ZNF638: variants seen among roughly 807,000 people sequenced by gnomAD.
ZNF638 encodes the protein zinc finger protein 638.
ZNF638 carries 46 observed loss-of-function variants against 195.6 expected under a neutral mutation model. The ratio of observed to expected loss-of-function variants is 0.24; its 90% CI spans 0.19 to 0.30. ZNF638 has a LOEUF of 0.30. ZNF638 is among the 10% of genes least tolerant of loss of function. ZNF638 has a pLI of 1.00. For missense variants in ZNF638, 2,440 were observed against 2,325.3 expected (o/e 1.05, Z -1.01); for synonymous variants, 845 against 772.0 (o/e 1.09, Z -1.57).
Position 71,349,032 on chromosome 2 carries a change from G to T in ZNF638, c.78G>T (p.Arg26Ser), listed in dbSNP as rs1179855532. Residue 26 changes from arginine to serine, a missense_variant, in exon 2 of 28, where the codon AGG becomes AGT. Arg to Ser is a moderately radical substitution (Grantham distance 110). Around this residue, in one of 5 missense-constraint regions of ZNF638, gnomAD observed 191 missense variants for 173.8 expected, o/e 1.10. Transcript: ENST00000264447. Reference sequence around the variant, plus strand: ...GAGCACCTAACCCTTCTGGGATGAGGCCTCCAGGACCATTTATGAGGCCTG... The same window carrying T: ...GAGCACCTAACCCTTCTGGGATGAGTCCTCCAGGACCATTTATGAGGCCTG... ...RPRAPNPSGM[R>S]PPGPFMRPGS... is the part of the protein sequence containing the mutation. 4 of 1,614,148 alleles carry T rather than the reference G, an allele frequency of 2.5e-6. No homozygotes were observed. Among genetic ancestry groups the T allele is most frequent in the Non-Finnish European group, 3.4e-6 (4 of 1,180,024 alleles).
intron 20 of ZNF638, among the ~76,000 whole-genome samples, chr2:71,417,795 C>G (rs2080334030): frequency 6.6e-6 from 1 of 152,074 alleles, no homozygotes; most frequent in Non-Finnish European, 1.5e-5. Context: ...AGACTTATCA[C>G]CAGATATCCC....
intron 26 of ZNF638, among the ~76,000 whole-genome samples, 197 bp downstream of exon 26, chr2:71,431,625 T>G (rs2080663957): frequency 6.6e-6 from 1 of 152,004 alleles, no homozygotes; most frequent in Non-Finnish European, 1.5e-5. Flanking sequence ...CCGGACGTGG[T>G]GGCGGGCGCC....
chr2:71,389,645 A>G lies in ZNF638; in HGVS notation c.2378-6496A>G, dbSNP rs543024817. On this transcript the variant is annotated intron_variant, in intron 10 of 27. Coordinates refer to ENST00000264447, the MANE Select transcript of ZNF638 (RefSeq NM_014497.5). ...AGTTTTGTTCCCTAAGCCTATGCAC[A>G]AGTGTCTTTGTGTGCTATGAGGGCT... Among the ~76,000 whole-genome samples, 200 of 152,310 alleles carry G rather than the reference A, an allele frequency of 1.3e-3. 2 individuals are homozygous for G. Among genetic ancestry groups the G allele is most frequent in the Non-Finnish European group, 3.4e-4 (23 of 68,026 alleles).
At position 71,423,886 on chromosome 2, in the gene ZNF638, C is replaced by T; in HGVS notation, c.4372C>T (p.Pro1458Ser). 1.2e-6 allele frequency: 2 copies of T among 1,614,070 alleles called. No homozygotes were observed. Among genetic ancestry groups the T allele is most frequent in the South Asian group, 1.1e-5 (1 of 91,080 alleles). The change falls in exon 22 of 28, where the codon CCT becomes TCT. Residue 1458 changes from proline (P) to serine (S), a missense_variant. Pro to Ser is a moderately conservative substitution (Grantham distance 74). Around this residue, in one of 5 missense-constraint regions of ZNF638, gnomAD observed 1,883 missense variants for 1,739.1 expected, o/e 1.08. Coordinates refer to ENST00000264447, the MANE Select transcript of ZNF638 (RefSeq NM_014497.5). ...GLAESSSKFK[P>S]TQSSLTRGGS... is the part of the protein sequence containing the mutation. The stretch of plus-strand genomic sequence containing the variant: ...GGCAGAAAGCAGCAGTAAATTCAAA[C>T]CTACTCAGAGCAGTCTTACCAGAGG...
intron 18 of ZNF638, 68 bp downstream of exon 18, chr2:71,405,710 C>T: frequency 1.7e-6 from 2 of 1,179,240 alleles, no homozygotes; most frequent in East Asian, 2.5e-5. Flanking sequence ...TACTTGTTTG[C>T]CTTTTAGGAA....
At chr2:71,402,555 C>T (rs1348945646) in intron 16 of ZNF638, among the ~76,000 whole-genome samples, 1 of 152,010 alleles carries the variant, frequency 6.6e-6, no homozygotes, top group Non-Finnish European at 1.5e-5. Context: ...ATTTCATACT[C>T]TTTCTGCTCT....
intron 10 of ZNF638, 52 bp downstream of exon 10, chr2:71,380,617 G>A: frequency 1.4e-6 from 2 of 1,457,076 alleles, no homozygotes; most frequent in East Asian, 4.6e-5. Context: ...TGTCAGTTTA[G>A]TAGAAACTTA....
intron 1 of ZNF638, among the ~76,000 whole-genome samples, chr2:71,336,371 CCA>C (rs2078668260): frequency 6.8e-5 from 2 of 29,232 alleles, no homozygotes; most frequent in African/African-American, 3.2e-4. Context: ...AATTCCATCT[CCA>C]AAAAAAAAAA....
At chr2:71,343,099 A>C (rs1025270289) in intron 1 of ZNF638, among the ~76,000 whole-genome samples, 7 of 152,228 alleles carry the variant, frequency 4.6e-5, no homozygotes, top group African/African-American at 1.7e-4. Flanking sequence ...GCCATCCTAC[A>C]AAACTCAATT....
chr2:71,366,808 A>G (rs1036622987), intron 6 of ZNF638, among the ~76,000 whole-genome samples: 1 of 152,142 alleles, frequency 6.6e-6, no homozygotes, highest in African/African-American at 2.4e-5. Context: ...CTGATTTATT[A>G]GTGTTATTTT....
At chr2:71,357,748 T>C (rs2079047607) in intron 3 of ZNF638, among the ~76,000 whole-genome samples, 1 of 152,232 alleles carries the variant, frequency 6.6e-6, no homozygotes, top group Non-Finnish European at 1.5e-5. Flanking sequence ...TCTACTCTAT[T>C]TTTTAACCAT....
chr2:71,355,255 G>A (rs1226129173), intron 2 of ZNF638, among the ~76,000 whole-genome samples: 2 of 152,062 alleles, frequency 1.3e-5, no homozygotes, highest in Admixed American at 6.6e-5. Flanking sequence ...TGCGCCCGGC[G>A]GCATTTTTTG....
chr2:71,377,783 T>G (rs558427147), intron 8 of ZNF638, among the ~76,000 whole-genome samples: 2 of 152,346 alleles, frequency 1.3e-5, no homozygotes, highest in South Asian at 4.1e-4. Context: ...AGGACATCAT[T>G]TAAATTCTGA....
chr2:71,373,769 A>AT, intron 8 of ZNF638, among the ~76,000 whole-genome samples: 1 of 151,672 alleles, frequency 6.6e-6, no homozygotes, highest in Non-Finnish European at 1.5e-5. Flanking sequence ...TGGCTTCTGC[A>AT]TTTTTTTCTT....
intron 17 of ZNF638, among the ~76,000 whole-genome samples, 193 bp from the exon 18 acceptor site, chr2:71,405,408 G>A (rs2080087064): frequency 6.6e-6 from 1 of 152,182 alleles, no homozygotes; most frequent in Non-Finnish European, 1.5e-5. Context: ...GAATTAAATT[G>A]TATGGGTTAG....
Position 71,433,547 on chromosome 2 carries a change from C to T in ZNF638, c.5871+264C>T, listed in dbSNP as rs2080708850. The T allele has an allele frequency of 1.3e-5, 4 of 313,518 alleles. No homozygotes were observed. In the South Asian group the frequency reaches 2.4e-4, roughly 19 times the overall value. 19.4% of individuals were successfully genotyped at this position (313,518 alleles called of 1,614,324 possible). ...ACTCCATTATTAAAGTAAGAAACTG[C>T]ATGTTTTGATGCCCTCTTGTCATGT... On this transcript the variant is annotated intron_variant, in intron 27 of 27. Transcript: ENST00000264447.
At chr2:71,356,268 T>A (rs2079020871) in intron 3 of ZNF638, among the ~76,000 whole-genome samples, 1 of 152,130 alleles carries the variant, frequency 6.6e-6, no homozygotes, top group Non-Finnish European at 1.5e-5. Context: ...CTTCAATTCT[T>A]CCCCCTTTTT....
In ZNF638 at chr2:71,396,160, G is replaced by C. The variant is rs749723919; in HGVS notation, c.2397G>C (p.Lys799Asn). The change falls in exon 11 of 28, where the codon AAG (lysine) becomes AAC (asparagine). Residue 799 changes from lysine to asparagine, a missense_variant. By Grantham distance (94) the Lys-to-Asn change is moderately conservative (BLOSUM62 0). Coordinates refer to ENST00000264447, the MANE Select transcript of ZNF638 (RefSeq NM_014497.5). ...STSAAKTGQA[K>N]ASVAKVNKST... ...TTTTAGCCAAAACTGGACAAGCCAA[G>C]GCATCTGTAGCCAAAGTAAACAAAT... 8 of 1,613,270 alleles carry C rather than the reference G, an allele frequency of 5.0e-6. No individual in the cohort carries two copies. The Admixed American group carries it at 1.3e-4, about 27-fold the overall frequency.
At position 71,422,961 on chromosome 2, in the gene ZNF638, A is replaced by G. The variant is rs780188772; in HGVS notation, c.3447A>G (p.Glu1149=). Residue 1149 remains glutamate (E), a synonymous_variant, in exon 22 of 28, where the codon GAA becomes GAG. Transcript: ENST00000264447. ...TLVQQEEPCE[E]EAEKATCDSD... ...TACAGCAGGAAGAGCCTTGTGAGGAAGAAGCTGAAAAAGCAACATGTGATT... is the reference window on the plus strand; with the variant it reads ...TACAGCAGGAAGAGCCTTGTGAGGAGGAAGCTGAAAAAGCAACATGTGATT... 1 of 1,614,160 alleles carries G rather than the reference A, an allele frequency of 6.2e-7. No homozygotes were observed. Among genetic ancestry groups the G allele is most frequent in the Admixed American group, 1.7e-5 (1 of 60,024 alleles).
Sources: allele counts gnomAD v4.1 joint callset (sites outside exome capture counted in the v4.1 genomes callset), GRCh38; gene constraint gnomAD v4.1.1; regional missense constraint gnomAD v4.1.1; transcripts MANE v1.5; gene names NCBI Gene and HGNC (gene_info 2026-07-23, HGNC 2026-07-21).